The following FER1L6 variants were observed in gnomAD, a reference collection of about 807,000 sequenced individuals.
The protein encoded by FER1L6 is fer-1 like family member 6.
Under a neutral mutation model 219.2 loss-of-function variants are expected in FER1L6, and 177 were observed. The observed-to-expected ratio is 0.81, with a 90% CI of 0.71 to 0.91. The LOEUF (loss-of-function observed/expected upper bound fraction) is 0.91. Among genes scored for constraint, FER1L6 ranks in the 40% least tolerant of loss-of-function variants. The probability of loss-of-function intolerance (pLI) is 0.00; values close to 1 mark genes in which losing one functional copy is unlikely to be tolerated. For synonymous variants in FER1L6, 768 were observed against 824.3 expected, an observed-to-expected ratio of 0.93 and a Z score of 1.17; for missense variants, 2,153 against 2,259.9, an observed-to-expected ratio of 0.95 and a Z score of 0.96.
intron 39 of FER1L6, among the ~76,000 whole-genome samples, 185 bp downstream of exon 39, chr8:124,103,494 G>A (rs146080596): frequency 6.6e-6 from 1 of 152,304 alleles, no homozygotes; most frequent in East Asian, 1.9e-4. Context: ...AGCTATCTAT[G>A]TTGAGGTGAT....
chr8:123,878,370 G>T (rs148815889), intron 1 of FER1L6, among the ~76,000 whole-genome samples: 1 of 152,238 alleles, frequency 6.6e-6, no homozygotes, highest in East Asian at 1.9e-4. Context: ...GTCATCTCTG[G>T]GTAGGAATAA....
chr8:124,119,816 G>A lies in FER1L6; in HGVS notation c.*26G>A, dbSNP rs527535347. ...AGGATCATGGAGGACCCAGATCCTC[G>A]CCATATACTAATCCTCTCTTCCTTA... On this transcript the variant is annotated 3_prime_UTR_variant, in exon 41 of 41. Transcript: ENST00000522917. 240 of 1,607,460 alleles carry A rather than the reference G, an allele frequency of 1.5e-4. 3 individuals are homozygous for A. The South Asian group carries it at 2.4e-3, about 16-fold the overall frequency.
At chr8:123,869,879 CA>C (rs1816897014) in intron 1 of FER1L6, among the ~76,000 whole-genome samples, 1 of 152,186 alleles carries the variant, frequency 6.6e-6, no homozygotes. Flanking sequence ...CCTGGAAATA[CA>C]CCTACACAAA....
intron 33 of FER1L6, among the ~76,000 whole-genome samples, chr8:124,090,117 T>C (rs1446396096): frequency 6.6e-6 from 1 of 152,244 alleles, no homozygotes; most frequent in Non-Finnish European, 1.5e-5. Context: ...GGACTTTTAA[T>C]ACATATGTCA....
At chr8:123,929,882 G>T (rs895353862) in intron 1 of FER1L6, among the ~76,000 whole-genome samples, 1 of 152,008 alleles carries the variant, frequency 6.6e-6, no homozygotes, top group South Asian at 2.1e-4. Flanking sequence ...CCACAGTCTA[G>T]TGGGTAAGAT....
intron 20 of FER1L6, among the ~76,000 whole-genome samples, chr8:124,044,702 AG>A (rs1819646790): frequency 1.3e-5 from 2 of 152,262 alleles, no homozygotes; most frequent in Non-Finnish European, 1.5e-5. Flanking sequence ...AACTCTTTCC[AG>A]GACTAGTCTC....
At chr8:124,005,441 C>T (rs1817615353) in intron 13 of FER1L6, among the ~76,000 whole-genome samples, 1 of 152,250 alleles carries the variant, frequency 6.6e-6, no homozygotes. Context: ...CCTTAGAACA[C>T]ACTCTTCCTT....
chr8:123,889,025 T>G (rs1425957557), intron 1 of FER1L6, among the ~76,000 whole-genome samples: 1 of 152,216 alleles, frequency 6.6e-6, no homozygotes, highest in Non-Finnish European at 1.5e-5. Context: ...GTCGCATACA[T>G]TTTTGTATGG....
rs1270331101 is a variant in FER1L6, at chr8:124,021,550, G to A, written c.2014G>A (p.Glu672Lys). ...KRLTLCWQEL[E>K]AMCKEAKGII... ...CACACTGACTCTTGTCTTGTTTTAG[G>A]AAGCAATGTGCAAGGAGGCCAAGGG... Residue 672 changes from glutamate to lysine, a missense_variant and splice_region_variant, in exon 17 of 41, where the codon GAA (glutamate) becomes AAA (lysine). Transcript: ENST00000522917. 2 of 1,613,818 alleles carry A rather than the reference G, an allele frequency of 1.2e-6. No homozygotes were observed. Among genetic ancestry groups the A allele is most frequent in the African/African-American group, 2.7e-5 (2 of 74,918 alleles).
At chr8:124,021,876 A>T (rs1361398456) in intron 17 of FER1L6, among the ~76,000 whole-genome samples, 2 of 152,126 alleles carry the variant, frequency 1.3e-5, no homozygotes, top group Non-Finnish European at 2.9e-5. Flanking sequence ...ACAAAGCCTG[A>T]ACATTCAGCA....
chr8:123,973,131 AAGAT>A (rs1439522334), intron 6 of FER1L6, among the ~76,000 whole-genome samples: 3 of 152,162 alleles, frequency 2.0e-5, no homozygotes, highest in African/African-American at 4.8e-5. Context: ...TAGGTATTGA[AAGAT>A]AGGGAAAATT....
intron 1 of FER1L6, among the ~76,000 whole-genome samples, chr8:123,902,703 G>A (rs1035426721): frequency 2.6e-5 from 4 of 152,136 alleles, no homozygotes; most frequent in East Asian, 1.9e-4. Context: ...GCCTCCTGAC[G>A]GCAGCAAATG....
chr8:124,017,492 T>A, intron 15 of FER1L6, 136 bp from the exon 16 acceptor site: 1 of 617,132 alleles, frequency 1.6e-6, no homozygotes, highest in Non-Finnish European at 2.8e-6. Context: ...AGTTGCTTAA[T>A]CCTAAATTAA....
intron 1 of FER1L6, among the ~76,000 whole-genome samples, chr8:123,922,196 T>C (rs1374819386): frequency 6.6e-6 from 1 of 152,164 alleles, no homozygotes; most frequent in African/African-American, 2.4e-5. Context: ...CTGCCATCTG[T>C]GTGCGTTGGC....
chr8:123,913,291 A>T (rs1488863510), intron 1 of FER1L6, among the ~76,000 whole-genome samples: 1 of 152,184 alleles, frequency 6.6e-6, no homozygotes, highest in Non-Finnish European at 1.5e-5. Context: ...CATTCATAGA[A>T]AAACTTACGT....
intron 1 of FER1L6, among the ~76,000 whole-genome samples, chr8:123,908,562 A>G (rs1472420467): frequency 1.3e-5 from 2 of 152,238 alleles, no homozygotes; most frequent in South Asian, 2.1e-4. Flanking sequence ...CTTCTACTGG[A>G]AAGTTTAACT....
At position 123,971,485 on chromosome 8, in the gene FER1L6, T is replaced by A. The variant is rs150200609; in HGVS notation, c.447+1388T>A. 2.0e-5 allele frequency among the ~76,000 whole-genome samples: 3 copies of A among 152,356 alleles called. No individual in the cohort carries two copies. In the East Asian group the frequency reaches 5.8e-4, roughly 29 times the overall value. Reference sequence around the variant, plus strand: ...GATGAACAGTTAATCACTAGATTTTTATATTGTGCCATAGACCAGGGTCAG... The same window carrying A: ...GATGAACAGTTAATCACTAGATTTTAATATTGTGCCATAGACCAGGGTCAG... On this transcript the variant is annotated intron_variant, in intron 6 of 40. Coordinates refer to ENST00000522917, the MANE Select transcript of FER1L6 (RefSeq NM_001039112.2).
At position 124,078,892 on chromosome 8, in the gene FER1L6, C is replaced by T. The variant is rs181201807; in HGVS notation, c.4220+2567C>T. Among the ~76,000 whole-genome samples the T allele has an allele frequency of 6.6e-5, 10 of 152,114 alleles. No individual in the cohort carries two copies. In the East Asian group the frequency reaches 1.2e-3, roughly 18 times the overall value. On this transcript the variant is annotated intron_variant, in intron 32 of 40. Coordinates refer to ENST00000522917, the MANE Select transcript of FER1L6 (RefSeq NM_001039112.2). Reference sequence around the variant, plus strand: ...AACAAAGTACCATAAACTGGGTGGCCGAAACAACAGAAATTCATTCTCACA... The same window carrying T: ...AACAAAGTACCATAAACTGGGTGGCTGAAACAACAGAAATTCATTCTCACA...
At position 124,054,142 on chromosome 8, in the gene FER1L6, G is replaced by C. The variant is rs192211935; in HGVS notation, c.2874+4386G>C. Among the ~76,000 whole-genome samples the C allele has an allele frequency of 1.3e-3, 192 of 152,144 alleles. 1 individual carries two copies. The highest frequency in any genetic ancestry group is 2.5e-3 in the Non-Finnish European group (169 of 68,010). On this transcript the variant is annotated intron_variant, in intron 22 of 40. Transcript: ENST00000522917. ...TAGTGCTCATCTGAACGTTACATTG[G>C]CCTCCCTGCTGGGCTACTGGCCTTC...
Sources: gnomAD v4.1 joint callset for allele counts (sites outside exome capture counted in the v4.1 genomes callset) on GRCh38, gnomAD v4.1.1 for gene constraint, MANE v1.5 for transcripts, NCBI Gene and HGNC (gene_info 2026-07-23, HGNC 2026-07-21) for gene names.